The following PDE10A variants were observed in gnomAD, a reference collection of about 807,000 sequenced individuals.
PDE10A encodes the protein cAMP and cAMP-inhibited cGMP 3',5'-cyclic phosphodiesterase 10A.
Under a neutral mutation model 97.7 loss-of-function variants are expected in PDE10A, and 39 were observed. The ratio of observed to expected loss-of-function variants is 0.40; its 90% CI spans 0.31 to 0.52. The LOEUF is 0.52. Among genes scored for constraint, PDE10A ranks in the 20% least tolerant of loss-of-function variants. PDE10A has a pLI of 0.56. For missense variants in PDE10A, 731 were observed against 1,047.8 expected, an observed-to-expected ratio of 0.70 and a Z score of 4.17; for synonymous variants, 371 against 376.8, an observed-to-expected ratio of 0.98 and a Z score of 0.18.
chr6:165,399,470 T>C (rs1786456806), intron 13 of PDE10A, among the ~76,000 whole-genome samples: 1 of 152,220 alleles, frequency 6.6e-6, no homozygotes, highest in Non-Finnish European at 1.5e-5. Flanking sequence ...TTAGGGTACA[T>C]GTGCACAACG....
intron 1 of PDE10A, among the ~76,000 whole-genome samples, chr6:165,855,164 G>A (rs1452441946): frequency 6.6e-6 from 1 of 152,074 alleles, no homozygotes; most frequent in Non-Finnish European, 1.5e-5. Context: ...TTTCCCGCGG[G>A]GCCCACAGCA....
Position 165,770,163 on chromosome 6 carries a change from C to CAAAAAAAAAAAA in PDE10A, c.-615+217354_-615+217365dup, listed in dbSNP as rs11442419. 1.6e-5 allele frequency among the ~76,000 whole-genome samples: 2 copies of CAAAAAAAAAAAA among 127,902 alleles called. 1 individual carries two copies. The allele number at this position is 127,902 out of a possible 152,430, so 83.9% of individuals were successfully genotyped here. On this transcript the variant is annotated intron_variant, in intron 1 of 19. Coordinates refer to the PDE10A transcript ENST00000366882. ...CGAAAGTAAATCTAATGCAAAAGGGCAAAAAAAAAAAAAAAGGAGTTAGGT... is the reference window on the plus strand; with the variant it reads ...CGAAAGTAAATCTAATGCAAAAGGGCAAAAAAAAAAAAAAAAAAAAAAAAAAAGGAGTTAGGT...
At chr6:165,973,641 A>T (rs705804) in intron 1 of PDE10A, among the ~76,000 whole-genome samples, 7 of 151,964 alleles carry the variant, frequency 4.6e-5, no homozygotes, top group African/African-American at 7.3e-5. Context: ...TGATCGCTGA[A>T]GAGGCCCCAG....
At chr6:165,392,127 G>A (rs73788366) in intron 16 of PDE10A, among the ~76,000 whole-genome samples, 150 of 152,232 alleles carry the variant, frequency 9.9e-4, no homozygotes, top group African/African-American at 3.4e-3. Context: ...AATGGAAGTG[G>A]CCATCTCCAA....
chr6:165,388,478 G>A lies in PDE10A; in HGVS notation c.2455-25C>T. On this transcript the variant is annotated intron_variant, in intron 16 of 21. Transcript: ENST00000539869. This position sits in a 1 kb window ranked among gnomAD's most constrained non-coding sequence, Gnocchi z 4.0. The stretch of plus-strand genomic sequence containing the variant: ...GCTTTAAAAAATAATATGATGCAGA[G>A]ATGCTCAAAACACAGAAACACACAT... The A allele has an allele frequency of 6.2e-7, 1 of 1,610,930 alleles. No individual in the cohort carries two copies. Among genetic ancestry groups the A allele is most frequent in the Non-Finnish European group, 8.5e-7 (1 of 1,178,006 alleles).
intron 2 of PDE10A, among the ~76,000 whole-genome samples, chr6:165,510,909 GTCT>G (rs1298629159): frequency 1.3e-5 from 2 of 150,776 alleles, no homozygotes; most frequent in African/African-American, 4.9e-5. Flanking sequence ...GTTTCTTTAG[GTCT>G]TCTCTCTTAG....
intron 1 of PDE10A, among the ~76,000 whole-genome samples, chr6:165,889,041 A>G (rs1412852815): frequency 1.3e-5 from 2 of 152,244 alleles, no homozygotes; most frequent in African/African-American, 4.8e-5. Context: ...CTGAATATCA[A>G]TGCTGCCTAT....
rs1007991421 is a variant in PDE10A at position 165,375,590 on chromosome 6, G to A, written c.2783+3604C>T. Reference sequence around the variant, plus strand: ...ATTCAGAAGATCTAACTAAGATAACGGATGAAGGTGGCTCAACTAAATAAC... The same window carrying A: ...ATTCAGAAGATCTAACTAAGATAACAGATGAAGGTGGCTCAACTAAATAAC... On this transcript the variant is annotated intron_variant, in intron 18 of 21. Transcript: ENST00000539869. Among the ~76,000 whole-genome samples, 53 of 152,168 alleles carry A rather than the reference G, an allele frequency of 3.5e-4. 1 individual carries two copies. The highest frequency in any genetic ancestry group is 1.3e-4 in the Non-Finnish European group (9 of 68,028).
rs539090615 is a variant in PDE10A at position 165,577,378 on chromosome 6, G to A, written c.866-33810C>T. Among the ~76,000 whole-genome samples, 12 of 152,244 alleles carry A rather than the reference G, an allele frequency of 7.9e-5. 1 individual carries two copies. Among genetic ancestry groups the A allele is most frequent in the Admixed American group, 3.9e-4 (6 of 15,300 alleles). On this transcript the variant is annotated intron_variant, in intron 1 of 21. Coordinates refer to ENST00000539869, the MANE Select transcript of PDE10A (RefSeq NM_001385079.1). Reference sequence around the variant, plus strand: ...AAAAGTCCATGACCAGCCCATGCCCGGCTGGCATTCCAAGACCTTCCAGGG... The same window carrying A: ...AAAAGTCCATGACCAGCCCATGCCCAGCTGGCATTCCAAGACCTTCCAGGG...
At chr6:165,408,503 G>A (rs1033807115) in intron 13 of PDE10A, among the ~76,000 whole-genome samples, 3 of 152,134 alleles carry the variant, frequency 2.0e-5, no homozygotes, top group Admixed American at 6.5e-5. Flanking sequence ...GCAGTAGTTC[G>A]TGGCATCAAC....
At chr6:165,927,256 T>G (rs2128489746) in intron 1 of PDE10A, among the ~76,000 whole-genome samples, 1 of 152,268 alleles carries the variant, frequency 6.6e-6, no homozygotes, top group South Asian at 2.1e-4. Context: ...TACCTGGAAT[T>G]CATCCTAAGA....
At chr6:165,716,469 G>A (rs1792029514) in intron 1 of PDE10A, among the ~76,000 whole-genome samples, 1 of 152,218 alleles carries the variant, frequency 6.6e-6, no homozygotes, top group African/African-American at 2.4e-5. Flanking sequence ...TTTGCTGTAA[G>A]CATGCTTTAA....
In PDE10A at chr6:165,418,818, T is replaced by G; in HGVS notation, c.1654-41A>C. 2 of 1,541,838 alleles carry G rather than the reference T, an allele frequency of 1.3e-6. No individual in the cohort carries two copies. Among genetic ancestry groups the G allele is most frequent in the Non-Finnish European group, 1.8e-6 (2 of 1,122,114 alleles). ...AAAATAAGAGGAAGACAATGAGACA[T>G]TCAAAGAACTTGCAGGTAAACTTTA... On this transcript the variant is annotated intron_variant, in intron 10 of 21. Coordinates refer to ENST00000539869, the MANE Select transcript of PDE10A (RefSeq NM_001385079.1). The surrounding 1 kb of genome is among the most constrained non-coding windows in gnomAD (Gnocchi z 4.8).
chr6:165,987,833 T>C (rs1053098606), exon 1 of PDE10A: 1 of 417,788 alleles, frequency 2.4e-6, no homozygotes, highest in Non-Finnish European at 4.8e-6. Flanking sequence ...CCTTCCCTCC[T>C]TTCCATCTGG....
intron 1 of PDE10A, among the ~76,000 whole-genome samples, chr6:165,577,251 C>T (rs1429602118): frequency 2.6e-5 from 4 of 152,224 alleles, no homozygotes; most frequent in African/African-American, 4.8e-5. Context: ...AGCCTTCTCC[C>T]TCAACTTGCC....
At chr6:165,425,294 T>G (rs1432704665) in intron 10 of PDE10A, among the ~76,000 whole-genome samples, 1 of 152,122 alleles carries the variant, frequency 6.6e-6, no homozygotes, top group Non-Finnish European at 1.5e-5. Flanking sequence ...AAGATATCAA[T>G]TCAAGTTTTC....
chr6:165,944,754 G>T (rs1783708896), intron 1 of PDE10A, among the ~76,000 whole-genome samples: 1 of 152,104 alleles, frequency 6.6e-6, no homozygotes, highest in Non-Finnish European at 1.5e-5. Flanking sequence ...CAAAGAGCTG[G>T]TTGGATTCCC....
chr6:165,645,307 G>C (rs1362222162), intron 1 of PDE10A, among the ~76,000 whole-genome samples: 2 of 152,082 alleles, frequency 1.3e-5, no homozygotes, highest in Non-Finnish European at 2.9e-5. Context: ...TCTTGCCCCT[G>C]ACCCCTTGCT....
intron 1 of PDE10A, among the ~76,000 whole-genome samples, chr6:165,971,977 G>T (rs999153250): frequency 1.3e-5 from 2 of 152,156 alleles, no homozygotes; most frequent in African/African-American, 4.8e-5. Flanking sequence ...AATAAGGAGT[G>T]ATACCTGACA....
Sources: gnomAD v4.1 joint callset for allele counts (sites outside exome capture counted in the v4.1 genomes callset) on GRCh38, gnomAD v4.1.1 for gene constraint, Gnocchi (gnomAD v3.1) non-coding constraint, MANE v1.5 for transcripts, NCBI Gene and HGNC (gene_info 2026-07-23, HGNC 2026-07-21) for gene names.